The following NRG1 variants were observed in gnomAD, a reference collection of about 807,000 sequenced individuals.
The protein encoded by NRG1 is pro-neuregulin-1, membrane-bound isoform.
In NRG1, 18 loss-of-function variants were observed where a neutral mutation model predicts 63.8. That is an observed-to-expected ratio of 0.28 (90% CI 0.19 to 0.42). NRG1 has a LOEUF of 0.42. NRG1 is among the 10% of genes least tolerant of loss of function. The pLI, the probability that NRG1 is intolerant of heterozygous loss-of-function variation, is 1.00. For synonymous variants in NRG1, 302 were observed against 301.3 expected (o/e 1.00, Z -0.02); for missense variants, 762 against 814.7 (o/e 0.94, Z 0.79).
intron 5 of NRG1, chr8:32,722,022 T>A: frequency 1.3e-6 from 2 of 1,548,916 alleles, no homozygotes; most frequent in Non-Finnish European, 1.7e-6. Flanking sequence ...CCTAAACACA[T>A]AAGCATTGAA....
At chr8:32,072,356 C>T (rs1161959840) in intron 1 of NRG1, among the ~76,000 whole-genome samples, 2 of 151,204 alleles carry the variant, frequency 1.3e-5, no homozygotes, top group Non-Finnish European at 2.9e-5. Context: ...TCTTTCATTT[C>T]CTCTGGGGAA....
At chr8:32,056,539 T>A (rs960460193) in intron 1 of NRG1, among the ~76,000 whole-genome samples, 7 of 152,180 alleles carry the variant, frequency 4.6e-5, no homozygotes, top group Non-Finnish European at 8.8e-5. Flanking sequence ...GCCCTAGAAT[T>A]ACTCCCATAT....
intron 1 of NRG1, among the ~76,000 whole-genome samples, chr8:32,465,581 A>T (rs1331382022): frequency 1.4e-5 from 2 of 140,512 alleles, no homozygotes; most frequent in Non-Finnish European, 3.1e-5. Context: ...AACAACAAAG[A>T]CATTAATAAA....
intron 7 of NRG1, among the ~76,000 whole-genome samples, chr8:32,748,129 C>T (rs1827843515): frequency 6.6e-6 from 1 of 152,066 alleles, no homozygotes; most frequent in Non-Finnish European, 1.5e-5. Context: ...GGTACTTTTT[C>T]CATGCCCAAA....
At chr8:31,904,712 T>C (rs991652956) in intron 1 of NRG1, among the ~76,000 whole-genome samples, 5 of 152,090 alleles carry the variant, frequency 3.3e-5, no homozygotes, top group African/African-American at 1.2e-4. Context: ...AAGAACAAGA[T>C]CATGCCCAGT....
At chr8:32,260,707 T>G (rs1163175294) in intron 1 of NRG1, among the ~76,000 whole-genome samples, 1 of 152,210 alleles carries the variant, frequency 6.6e-6, no homozygotes, top group Non-Finnish European at 1.5e-5. Context: ...AGTTTAGTAC[T>G]GCGTAGAGTA....
chr8:32,394,513 C>A (rs1326690089), intron 1 of NRG1, among the ~76,000 whole-genome samples: 2 of 152,176 alleles, frequency 1.3e-5, no homozygotes, highest in African/African-American at 4.8e-5. Flanking sequence ...CAGCAACCTA[C>A]AAAGTCAATC....
chr8:32,368,304 C>T (rs569440001), intron 1 of NRG1, among the ~76,000 whole-genome samples: 7 of 152,254 alleles, frequency 4.6e-5, no homozygotes, highest in African/African-American at 7.2e-5. Context: ...TGTGGTGGCT[C>T]ATGCCTGTAA....
intron 1 of NRG1, among the ~76,000 whole-genome samples, chr8:32,189,786 C>T (rs933748560): frequency 1.3e-5 from 2 of 152,186 alleles, no homozygotes; most frequent in African/African-American, 4.8e-5. Context: ...TGATATTTCA[C>T]TGTGTTCCTC....
At chr8:31,904,832 C>T (rs547881875) in intron 1 of NRG1, among the ~76,000 whole-genome samples, 1 of 151,990 alleles carries the variant, frequency 6.6e-6, no homozygotes, top group Non-Finnish European at 1.5e-5. Flanking sequence ...ACACTGAGTA[C>T]ACCTGGATAC....
intron 5 of NRG1, among the ~76,000 whole-genome samples, chr8:32,725,678 G>A (rs1305516702): frequency 6.6e-6 from 1 of 151,678 alleles, no homozygotes; most frequent in Admixed American, 6.6e-5. Context: ...GTTTCACCAT[G>A]TTGGTCAGGC....
intron 1 of NRG1, among the ~76,000 whole-genome samples, chr8:31,718,478 C>T (rs1812582689): frequency 6.6e-6 from 1 of 152,190 alleles, no homozygotes; most frequent in Non-Finnish European, 1.5e-5. Context: ...AAATACTGTG[C>T]ACTCCCAAGT....
chr8:32,586,058 A>G (rs1841551176), intron 1 of NRG1, among the ~76,000 whole-genome samples: 1 of 152,074 alleles, frequency 6.6e-6, no homozygotes, highest in Non-Finnish European at 1.5e-5. Flanking sequence ...ATAAAACTTA[A>G]AAACGTTAAT....
At chr8:31,878,441 C>CA (rs1830091977) in intron 1 of NRG1, among the ~76,000 whole-genome samples, 2 of 151,942 alleles carry the variant, frequency 1.3e-5, no homozygotes, top group Non-Finnish European at 2.9e-5. Context: ...TTGATAGGGC[C>CA]AAAAAGCCCT....
chr8:32,230,028 C>T (rs896352901), intron 1 of NRG1, among the ~76,000 whole-genome samples: 4 of 152,066 alleles, frequency 2.6e-5, no homozygotes, highest in African/African-American at 9.7e-5. Flanking sequence ...AAAGTTTTCA[C>T]ACCTTGCCCT....
chr8:31,642,629 A>G (rs76940351), intron 1 of NRG1, among the ~76,000 whole-genome samples: 143 of 152,330 alleles, frequency 9.4e-4, no homozygotes, highest in African/African-American at 3.1e-3. Flanking sequence ...CAAAAGAAAT[A>G]TAATACATAG....
In NRG1 at chr8:31,640,717, T is replaced by C; in HGVS notation, c.37+1286T>C. On this transcript the variant is annotated intron_variant, in intron 1 of 10. Coordinates refer to the NRG1 transcript ENST00000519301. The surrounding 1 kb of genome is among the most constrained non-coding windows in gnomAD (Gnocchi z 6.3). ...CAAGAAGGAGGTCAGCCGGGTGCTG[T>C]GCAAGCGGTGCGGTAAGTTCCTCGC... 1 of 1,589,860 alleles carries C rather than the reference T, an allele frequency of 6.3e-7. No homozygotes were observed. Among genetic ancestry groups the C allele is most frequent in the South Asian group, 1.1e-5 (1 of 88,350 alleles).
At chr8:32,647,260 C>CACCGCCGCT in intron 5 of NRG1, 1 of 985,392 alleles carries the variant, frequency 1.0e-6, no homozygotes, top group Non-Finnish European at 1.2e-6. Context: ...CCGCCGCCGC[C>CACCGCCGCT]ACCGCCGCTG....
intron 1 of NRG1, among the ~76,000 whole-genome samples, chr8:32,133,576 G>C (rs967392233): frequency 2.6e-5 from 4 of 151,920 alleles, no homozygotes; most frequent in Non-Finnish European, 5.9e-5. Context: ...TTTCCTAAAG[G>C]GATAATAATA....
Sources: gnomAD v4.1 joint callset for allele counts (sites outside exome capture counted in the v4.1 genomes callset) on GRCh38, gnomAD v4.1.1 for gene constraint, Gnocchi (gnomAD v3.1) non-coding constraint, MANE v1.5 for transcripts, NCBI Gene and HGNC (gene_info 2026-07-23, HGNC 2026-07-21) for gene names.